Variants in EVC2 observed in about 807,000 individuals in gnomAD.
EVC2 encodes limbin.
In EVC2, 148 loss-of-function variants were observed where a neutral mutation model predicts 149.3. The ratio of observed to expected loss-of-function variants is 0.99; its 90% CI spans 0.87 to 1.14. EVC2 has a LOEUF of 1.14. EVC2 is among the 50% of genes most tolerant of loss of function. EVC2 has a pLI of 0.00. For synonymous variants in EVC2, 776 were observed against 649.9 expected, an observed-to-expected ratio of 1.19 and a Z score of -2.95; for missense variants, 1,854 against 1,627.3, an observed-to-expected ratio of 1.14 and a Z score of -2.40.
intron 6 of EVC2, among the ~76,000 whole-genome samples, chr4:5,682,272 C>G (rs182082340): frequency 6.6e-6 from 1 of 152,166 alleles, no homozygotes; most frequent in East Asian, 1.9e-4. Flanking sequence ...AAGTGGATCA[C>G]CTGAGGTCAG....
Position 5,562,834 on chromosome 4 carries a change from G to A in EVC2, c.*14C>T, listed in dbSNP as rs1439307516. ...CTTCTCTCTTCAGATGCTCCCGCAGGTCTTTCCCTTGGGCTAGTCCATGCC... is the reference window on the plus strand; with the variant it reads ...CTTCTCTCTTCAGATGCTCCCGCAGATCTTTCCCTTGGGCTAGTCCATGCC... On this transcript the variant is annotated 3_prime_UTR_variant, in exon 22 of 22. Transcript: ENST00000344408. The surrounding 1 kb of genome is among the most constrained non-coding windows in gnomAD (Gnocchi z 4.3). 6.2e-7 allele frequency: 1 copy of A among 1,613,492 alleles called. No individual in the cohort carries two copies. Among genetic ancestry groups the A allele is most frequent in the South Asian group, 1.1e-5 (1 of 91,056 alleles).
chr4:5,622,980 C>T lies in EVC2; in HGVS notation c.2058G>A (p.Gln686=), dbSNP rs1450445303. The part of the protein sequence containing the change: ...RRELLQKHRE[Q]RREQASVGEA... Reference sequence around the variant, plus strand: ...CGCCGACGGACGCCTGCTCCCTACGCTGCTCCCTGTGCTGGAGTTTCAGAA... The same window carrying T: ...CGCCGACGGACGCCTGCTCCCTACGTTGCTCCCTGTGCTGGAGTTTCAGAA... The change falls in exon 14 of 22, where the codon CAG becomes CAA. Residue 686 remains glutamine, a synonymous_variant. Transcript: ENST00000344408. This position sits in a 1 kb window ranked among gnomAD's most constrained non-coding sequence, Gnocchi z 5.8. 1.2e-6 allele frequency: 2 copies of T among 1,613,964 alleles called. No individual in the cohort carries two copies. The highest frequency in any genetic ancestry group is 1.7e-6 in the Non-Finnish European group (2 of 1,180,022).
intron 16 of EVC2, among the ~76,000 whole-genome samples, chr4:5,604,504 T>C (rs1192657671): frequency 1.3e-5 from 2 of 152,050 alleles, no homozygotes; most frequent in African/African-American, 4.8e-5. Flanking sequence ...AAAGAACGGA[T>C]CTCATGGAGG....
Position 5,586,984 on chromosome 4 carries a change from C to T in EVC2, c.2830-2134G>A, listed in dbSNP as rs76448863. On this transcript the variant is annotated intron_variant, in intron 16 of 21. Transcript: ENST00000344408. ...ATACTTTTGGCTTACACACATTATG[C>T]TAATTTACTCCCATTTCTTGCTTCC... Among the ~76,000 whole-genome samples the T allele has an allele frequency of 6.6e-3, 1,005 of 152,106 alleles. 10 individuals carry two copies. The highest frequency in any genetic ancestry group is 0.022 in the African/African-American group (930 of 41,458).
At chr4:5,603,573 C>T (rs190346357) in intron 16 of EVC2, among the ~76,000 whole-genome samples, 2 of 152,328 alleles carry the variant, frequency 1.3e-5, no homozygotes, top group East Asian at 3.9e-4. Context: ...GAACCAACTA[C>T]CCCTGCATAA....
chr4:5,564,984 C>T (rs1470644376), intron 21 of EVC2, among the ~76,000 whole-genome samples: 1 of 152,232 alleles, frequency 6.6e-6, no homozygotes, highest in African/African-American at 2.4e-5. Flanking sequence ...AGGAATTCTT[C>T]TAATTACATT....
At chr4:5,707,774 G>C (rs961202488) in intron 1 of EVC2, among the ~76,000 whole-genome samples, 1 of 152,110 alleles carries the variant, frequency 6.6e-6, no homozygotes, top group Non-Finnish European at 1.5e-5. Context: ...GGACCACAGA[G>C]GGAGGGCCAG....
At chr4:5,699,338 GA>G (rs1721681834) in intron 1 of EVC2, among the ~76,000 whole-genome samples, 1 of 152,206 alleles carries the variant, frequency 6.6e-6, no homozygotes, top group Non-Finnish European at 1.5e-5. Context: ...GCAGCGTAAA[GA>G]ATTCTATTTA....
At chr4:5,592,558 TG>T (rs1712907873) in intron 16 of EVC2, among the ~76,000 whole-genome samples, 1 of 152,230 alleles carries the variant, frequency 6.6e-6, no homozygotes, top group African/African-American at 2.4e-5. Context: ...TGGTTGCAGC[TG>T]GTGCCAGGGA....
At chr4:5,599,736 G>T (rs1202174234) in intron 16 of EVC2, among the ~76,000 whole-genome samples, 1 of 151,942 alleles carries the variant, frequency 6.6e-6, no homozygotes, top group Non-Finnish European at 1.5e-5. Context: ...TAAAATAAAA[G>T]AAGATTCCCA....
chr4:5,626,379 G>C (rs1716118276), intron 12 of EVC2, among the ~76,000 whole-genome samples: 1 of 148,412 alleles, frequency 6.7e-6, no homozygotes, highest in South Asian at 2.2e-4. Context: ...TGTTGCCCAG[G>C]CTGGAGTGCA....
At position 5,697,635 on chromosome 4, in the gene EVC2, T is replaced by C. The variant is rs1721565429; in HGVS notation, c.241A>G (p.Met81Val). ...CAGCATTCCACTTTGGGCCAAATCA[T>C]ACAGGGCAAGTCCTAAAAAATTCAA... Reference protein sequence around the residue: ...PESSTQDLPCMIWPKVECCHF... With the variant: ...PESSTQDLPCVIWPKVECCHF... The change falls in exon 2 of 22, where the codon ATG becomes GTG. Residue 81 changes from methionine (M) to valine (V), a missense_variant. Coordinates refer to ENST00000344408, the MANE Select transcript of EVC2 (RefSeq NM_147127.5). 1.2e-6 allele frequency: 2 copies of C among 1,613,920 alleles called. No individual in the cohort carries two copies. Among genetic ancestry groups the C allele is most frequent in the African/African-American group, 1.3e-5 (1 of 74,866 alleles).
At chr4:5,549,576 T>G (rs1263152539) in intron 21 of EVC2, among the ~76,000 whole-genome samples, 2 of 152,240 alleles carry the variant, frequency 1.3e-5, no homozygotes, top group Non-Finnish European at 2.9e-5. Flanking sequence ...ACTTAGCCAG[T>G]GATACAGTCT....
At chr4:5,665,393 G>A (rs1719199338) in intron 8 of EVC2, 122 bp downstream of exon 8, 7 of 1,488,476 alleles carry the variant, frequency 4.7e-6, no homozygotes, top group South Asian at 4.7e-5. Flanking sequence ...CTGGGCATGG[G>A]TTTTTGTGCA....
intron 16 of EVC2, among the ~76,000 whole-genome samples, chr4:5,603,403 C>T (rs925103118): frequency 2.1e-4 from 32 of 152,206 alleles, no homozygotes; most frequent in Non-Finnish European, 4.3e-4. Context: ...TTTCTCTTCC[C>T]TTCCTAAATG....
chr4:5,591,809 T>C (rs977845145), intron 16 of EVC2, among the ~76,000 whole-genome samples: 5 of 152,240 alleles, frequency 3.3e-5, no homozygotes, highest in Non-Finnish European at 7.3e-5. Flanking sequence ...TATGAGGTAT[T>C]AATGACAGGC....
chr4:5,694,556 G>A (rs1721343413), intron 2 of EVC2, 55 bp from the exon 3 acceptor site: 1 of 1,603,898 alleles, frequency 6.2e-7, no homozygotes, highest in African/African-American at 1.3e-5. Flanking sequence ...GTAAGACATA[G>A]AACTTAACCT....
At chr4:5,661,856 CTCCAGTTCTCA>C (rs747509161) in intron 9 of EVC2, among the ~76,000 whole-genome samples, 2 of 152,242 alleles carry the variant, frequency 1.3e-5, no homozygotes, top group Non-Finnish European at 2.9e-5. Context: ...CTTAACCTCT[CTCCAGTTCTCA>C]TCCATAAGAT....
rs561250003 is a variant in EVC2 at position 5,700,313 on chromosome 4, T to C, written c.229-2666A>G. Among the ~76,000 whole-genome samples, 11 of 152,322 alleles carry C rather than the reference T, an allele frequency of 7.2e-5. No homozygotes were observed. In the East Asian group the frequency reaches 2.1e-3, roughly 29 times the overall value. On this transcript the variant is annotated intron_variant, in intron 1 of 21. Coordinates refer to ENST00000344408, the MANE Select transcript of EVC2 (RefSeq NM_147127.5). ...ACAAATACATCCATGTGGTCTCTGATATGAACATTTGCCAATGGATGGCAA... is the reference window on the plus strand; with the variant it reads ...ACAAATACATCCATGTGGTCTCTGACATGAACATTTGCCAATGGATGGCAA...
Sources: allele counts gnomAD v4.1 joint callset (sites outside exome capture counted in the v4.1 genomes callset), GRCh38; gene constraint gnomAD v4.1.1; non-coding constraint Gnocchi (gnomAD v3.1); transcripts MANE v1.5; gene names NCBI Gene and HGNC (gene_info 2026-07-23, HGNC 2026-07-21).